Variants in ZDHHC15 observed in about 807,000 individuals in gnomAD.
The protein encoded by ZDHHC15 is palmitoyltransferase ZDHHC15.
In ZDHHC15, 19 loss-of-function variants were observed where a neutral mutation model predicts 31.7. The ratio of observed to expected loss-of-function variants is 0.60; its 90% CI spans 0.42 to 0.88. The LOEUF is 0.88. Ranked by LOEUF, ZDHHC15 falls within the 40% of genes least tolerant of loss-of-function variation. ZDHHC15 has a pLI of 0.00. For missense variants in ZDHHC15, 209 were observed against 251.2 expected (o/e 0.83, Z 1.14); for synonymous variants, 103 against 90.0 (o/e 1.14, Z -0.82).
chrX:75,470,778 A>C (rs755714021), intron 3 of ZDHHC15, among the ~76,000 whole-genome samples: 1 of 111,861 alleles, frequency 8.9e-6, no homozygotes, highest in Admixed American at 9.5e-5. Flanking sequence ...AGACATACTT[A>C]GCAGCTGGCA....
Position 75,522,957 on chromosome X carries a change from A to G in ZDHHC15, c.68T>C (p.Val23Ala). Residue 23 changes from valine (V) to alanine (A), a missense_variant, in exon 1 of 12, where the codon GTG becomes GCG. Coordinates refer to ENST00000373367, the MANE Select transcript of ZDHHC15 (RefSeq NM_144969.3). ...LRCCRRVLSWVPVLVIVLVVL... is the reference protein window; with the variant it reads ...LRCCRRVLSWAPVLVIVLVVL... ...GACGAGGACAATAACGAGCACTGGC[A>G]CCCAGGACAGTACCCGGCGGCAGCA... 1 of 1,211,745 alleles carries G rather than the reference A, an allele frequency of 8.3e-7. No homozygotes were observed. The highest frequency in any genetic ancestry group is 1.1e-6 in the Non-Finnish European group (1 of 895,446).
At chrX:75,444,677 TATATATATATACACACAC>T (rs1217741727) in intron 4 of ZDHHC15, among the ~76,000 whole-genome samples, 3 of 41,752 alleles carry the variant, frequency 7.2e-5, no homozygotes, top group African/African-American at 2.0e-4. Context: ...TATATATATA[TATATATATATACACACAC>T]ACACACACAC....
intron 11 of ZDHHC15, among the ~76,000 whole-genome samples, chrX:75,373,924 C>CTTTTTTTTTTTTTTT (rs1298329750): frequency 2.6e-4 from 5 of 19,050 alleles, no homozygotes; most frequent in Non-Finnish European, 8.0e-4. Context: ...TTCATTCTTT[C>CTTTTTTTTTTTTTTT]TGTTTTTTTT....
chrX:75,407,218 C>T (rs1038953252), intron 10 of ZDHHC15, among the ~76,000 whole-genome samples: 10 of 111,431 alleles, frequency 9.0e-5, no homozygotes, highest in African/African-American at 1.6e-4. Flanking sequence ...TCTGCCCGAC[C>T]GCCACCCCAT....
Position 75,394,787 on chromosome X carries a change from C to A in ZDHHC15, c.968-15589G>T, listed in dbSNP as rs1462332794. ...ACAATAACAGCTGGAGACTTCAATACCCCACCTTCAACATTGAACAGATCA... is the reference window on the plus strand; with the variant it reads ...ACAATAACAGCTGGAGACTTCAATAACCCACCTTCAACATTGAACAGATCA... On this transcript the variant is annotated intron_variant, in intron 10 of 11. Transcript: ENST00000373367. Among the ~76,000 whole-genome samples, 19 of 111,673 alleles carry A rather than the reference C, an allele frequency of 1.7e-4. No homozygotes were observed. The Admixed American group carries it at 1.7e-3, about 10-fold the overall frequency.
At chrX:75,449,377 T>C (rs2084083228) in intron 4 of ZDHHC15, among the ~76,000 whole-genome samples, 1 of 111,071 alleles carries the variant, frequency 9.0e-6, no homozygotes, top group Admixed American at 9.7e-5. Flanking sequence ...ATCCTGGGAA[T>C]TGCAAATACC....
intron 10 of ZDHHC15, among the ~76,000 whole-genome samples, chrX:75,387,472 T>A (rs1305863639): frequency 8.1e-5 from 9 of 110,991 alleles, no homozygotes; most frequent in Non-Finnish European, 1.5e-4. Context: ...AATAAAAAAT[T>A]TAAATAGAAA....
intron 10 of ZDHHC15, among the ~76,000 whole-genome samples, chrX:75,407,543 G>A (rs1433379595): frequency 9.0e-6 from 1 of 110,867 alleles, no homozygotes; most frequent in African/African-American, 3.3e-5. Flanking sequence ...CCGTCCGGGA[G>A]GGAGGTGGGG....
intron 10 of ZDHHC15, among the ~76,000 whole-genome samples, chrX:75,387,321 A>G (rs1399353964): frequency 8.9e-6 from 1 of 112,146 alleles, no homozygotes; most frequent in African/African-American, 3.2e-5. Flanking sequence ...AAATGGACAA[A>G]TCAAGGAACC....
chrX:75,405,198 A>G (rs2083398579), intron 10 of ZDHHC15, among the ~76,000 whole-genome samples: 1 of 111,225 alleles, frequency 9.0e-6, no homozygotes, highest in Admixed American at 9.6e-5. Context: ...GAACAAAAAG[A>G]AGGAAAAAAC....
At chrX:75,404,703 G>T (rs1006182797) in intron 10 of ZDHHC15, among the ~76,000 whole-genome samples, 5 of 111,606 alleles carry the variant, frequency 4.5e-5, no homozygotes, top group African/African-American at 1.6e-4. Flanking sequence ...GTCAGAATGG[G>T]TATTATAATA....
At chrX:75,381,669 C>T (rs2083116376) in intron 10 of ZDHHC15, among the ~76,000 whole-genome samples, 1 of 111,522 alleles carries the variant, frequency 9.0e-6, no homozygotes, top group Admixed American at 9.5e-5. Context: ...TATCATCTGG[C>T]CGTATCTTAC....
At chrX:75,449,612 C>A (rs2147907154) in intron 4 of ZDHHC15, among the ~76,000 whole-genome samples, 1 of 112,059 alleles carries the variant, frequency 8.9e-6, no homozygotes, top group East Asian at 2.8e-4. Flanking sequence ...ATTGCTCTAA[C>A]AAAATTAACA....
intron 3 of ZDHHC15, among the ~76,000 whole-genome samples, chrX:75,469,139 G>T (rs1168897775): frequency 9.0e-6 from 1 of 110,610 alleles, no homozygotes; most frequent in Non-Finnish European, 1.9e-5. Context: ...AGAATTCATT[G>T]CCAAATCCAA....
chrX:75,474,019 G>A (rs756072880), intron 3 of ZDHHC15, among the ~76,000 whole-genome samples: 2 of 111,313 alleles, frequency 1.8e-5, no homozygotes, highest in Admixed American at 1.9e-4. Flanking sequence ...CTCAGGAGAT[G>A]TGTATGGTTT....
rs146807418 is a variant in ZDHHC15, at chrX:75,422,087, C to G, written c.737-97G>C. 1,337 of 1,023,056 alleles carry G rather than the reference C, an allele frequency of 1.3e-3. 11 individuals carry two copies. In the African/African-American group the frequency reaches 0.021, roughly 16 times the overall value. The allele number at this position is 1,023,056 out of a possible 1,213,427, so 84.3% of individuals were successfully genotyped here. A position where few individuals can be genotyped will look rare whatever the true frequency, so the allele number is the denominator to read the frequency against. On this transcript the variant is annotated intron_variant, in intron 8 of 11. Coordinates refer to ENST00000373367, the MANE Select transcript of ZDHHC15 (RefSeq NM_144969.3). ...ATTTTACATTTCTCCATGTATGTGA[C>G]TTGGTTCTATTATATCTTTTTGCTG...
chrX:75,516,199 A>G (rs1307836785), intron 1 of ZDHHC15, among the ~76,000 whole-genome samples: 2 of 111,990 alleles, frequency 1.8e-5, no homozygotes, highest in African/African-American at 6.5e-5. Context: ...CCATCGAGCT[A>G]CCAATGACTT....
At chrX:75,495,404 C>T (rs1330853143) in intron 2 of ZDHHC15, among the ~76,000 whole-genome samples, 1 of 111,276 alleles carries the variant, frequency 9.0e-6, no homozygotes, top group African/African-American at 3.3e-5. Context: ...CTAGAAATAG[C>T]ATTTGACCCA....
At chrX:75,427,954 G>C (rs953147503) in intron 7 of ZDHHC15, among the ~76,000 whole-genome samples, 84 of 111,385 alleles carry the variant, frequency 7.5e-4, no homozygotes, top group African/African-American at 2.7e-3. Context: ...TCAATGCACT[G>C]ATTAATAATT....
Sources: allele counts gnomAD v4.1 joint callset (sites outside exome capture counted in the v4.1 genomes callset), GRCh38; gene constraint gnomAD v4.1.1; transcripts MANE v1.5; gene names NCBI Gene and HGNC (gene_info 2026-07-23, HGNC 2026-07-21).